The following CEP63 variants were observed in gnomAD, a reference collection of about 807,000 sequenced individuals.
The protein encoded by CEP63 is centrosomal protein 63.
In CEP63, 84 loss-of-function variants were observed where a neutral mutation model predicts 89.1. That is an observed-to-expected ratio of 0.94 (90% CI 0.79 to 1.13). CEP63 has a LOEUF of 1.13. Among genes scored for constraint, CEP63 ranks in the 50% most tolerant of loss-of-function variants. The pLI is 0.00. For missense variants in CEP63, 838 were observed against 813.3 expected (o/e 1.03, Z -0.37); for synonymous variants, 267 against 272.5 (o/e 0.98, Z 0.20).
At chr3:134,538,109 T>C (rs932067528) in intron 6 of CEP63, among the ~76,000 whole-genome samples, 7 of 151,704 alleles carry the variant, frequency 4.6e-5, no homozygotes, top group African/African-American at 1.7e-4. Flanking sequence ...CTCTGTTTAA[T>C]ATTATGATAA....
chr3:134,634,247 A>G, the CEP63 span, among the ~76,000 whole-genome samples: 2 of 152,220 alleles, frequency 1.3e-5, no homozygotes, highest in African/African-American at 4.8e-5. Flanking sequence ...TTGTGCAAAT[A>G]TATAATTATA....
At chr3:134,700,465 C>T in the CEP63 span, among the ~76,000 whole-genome samples, 1 of 152,230 alleles carries the variant, frequency 6.6e-6, no homozygotes, top group Non-Finnish European at 1.5e-5. Flanking sequence ...TATCCCACCC[C>T]TCCTCAGTCA....
chr3:134,754,520 G>A, the CEP63 span, among the ~76,000 whole-genome samples: 2 of 152,124 alleles, frequency 1.3e-5, no homozygotes, highest in African/African-American at 4.8e-5. Context: ...TGATGCTCAA[G>A]GCCTCAGGAT....
At chr3:134,497,903 G>A (rs1457102226) in intron 2 of CEP63, among the ~76,000 whole-genome samples, 1 of 152,022 alleles carries the variant, frequency 6.6e-6, no homozygotes, top group Non-Finnish European at 1.5e-5. Flanking sequence ...TTTCTGGGTT[G>A]TCTATTCTGT....
chr3:134,549,436 T>A (rs548723031), intron 10 of CEP63, among the ~76,000 whole-genome samples: 1 of 152,290 alleles, frequency 6.6e-6, no homozygotes, highest in South Asian at 2.1e-4. Flanking sequence ...TTTAAACATG[T>A]TTTGATGAAA....
chr3:134,537,110 T>A, intron 5 of CEP63, 45 bp from the exon 6 acceptor site: 1 of 1,169,254 alleles, frequency 8.6e-7, no homozygotes, highest in Non-Finnish European at 1.3e-6. Context: ...GTAGTGACAG[T>A]GAGGAGAAGC....
At chr3:134,726,576 A>G in the CEP63 span, among the ~76,000 whole-genome samples, 83,122 of 151,796 alleles carry the variant, frequency 0.55, 24,391 homozygotes, top group East Asian at 0.78. Flanking sequence ...TCCTTGCAGC[A>G]TAACACATCA....
chr3:134,660,925 G>A, the CEP63 span, among the ~76,000 whole-genome samples: 6 of 152,228 alleles, frequency 3.9e-5, no homozygotes, highest in South Asian at 1.0e-3. Context: ...TGGGCCCTGC[G>A]GCTCTAAGCA....
downstream of CEP63, among the ~76,000 whole-genome samples, chr3:134,575,270 CT>C (rs1342643624): frequency 1.2e-4 from 15 of 125,886 alleles, no homozygotes; most frequent in Non-Finnish European, 1.8e-4. Flanking sequence ...TTGCTTCCCT[CT>C]TTCCCCCTCC....
chr3:134,494,622 G>A (rs1939095119), intron 1 of CEP63, among the ~76,000 whole-genome samples: 1 of 152,120 alleles, frequency 6.6e-6, no homozygotes, highest in Non-Finnish European at 1.5e-5. Context: ...GAATAAAATT[G>A]GGTTTCTGCC....
chr3:134,576,217 G>A (rs1958209661), downstream of CEP63, among the ~76,000 whole-genome samples: 2 of 152,076 alleles, frequency 1.3e-5, no homozygotes, highest in African/African-American at 4.8e-5. Flanking sequence ...CTTCTTTTAT[G>A]CTTCCACTAA....
intron 2 of CEP63, among the ~76,000 whole-genome samples, chr3:134,498,389 T>C: frequency 6.6e-6 from 1 of 152,172 alleles, no homozygotes; most frequent in East Asian, 1.9e-4. Context: ...ACATTACTGA[T>C]TTTTGTATGT....
At chr3:134,683,552 G>A in the CEP63 span, among the ~76,000 whole-genome samples, 1 of 152,126 alleles carries the variant, frequency 6.6e-6, no homozygotes, top group Non-Finnish European at 1.5e-5. Context: ...AACTCCATCA[G>A]TTACTAGTGA....
downstream of CEP63, among the ~76,000 whole-genome samples, chr3:134,567,169 A>G (rs1284615237): frequency 6.7e-6 from 1 of 148,306 alleles, no homozygotes; most frequent in African/African-American, 2.5e-5. Flanking sequence ...AAAAAAAATC[A>G]CATATTGTAT....
chr3:134,609,267 T>C, the CEP63 span, among the ~76,000 whole-genome samples: 64 of 152,326 alleles, frequency 4.2e-4, no homozygotes, highest in African/African-American at 1.4e-3. Context: ...CGGGGACCTT[T>C]TGTGGCTCTC....
chr3:134,623,602 C>T, the CEP63 span, among the ~76,000 whole-genome samples: 1 of 151,290 alleles, frequency 6.6e-6, no homozygotes, highest in African/African-American at 2.4e-5. Flanking sequence ...CATGTCTAGC[C>T]TCCCCGTCTC....
chr3:134,734,932 C>T, the CEP63 span, among the ~76,000 whole-genome samples: 1 of 152,124 alleles, frequency 6.6e-6, no homozygotes, highest in Non-Finnish European at 1.5e-5. Context: ...TAATCATTTT[C>T]CCGTATAACA....
chr3:134,526,905 G>A (rs2108900349), intron 3 of CEP63, among the ~76,000 whole-genome samples: 1 of 125,300 alleles, frequency 8.0e-6, no homozygotes, highest in South Asian at 2.6e-4. Flanking sequence ...CCTAGACTGT[G>A]TGCTCTAACT....
the CEP63 span, among the ~76,000 whole-genome samples, chr3:134,716,534 G>A: frequency 2.0e-5 from 3 of 152,120 alleles, no homozygotes; most frequent in Non-Finnish European, 4.4e-5. Context: ...CATAGTTTGG[G>A]TTGTCTAGGG....
Sources: allele counts gnomAD v4.1 joint callset (sites outside exome capture counted in the v4.1 genomes callset), GRCh38; gene constraint gnomAD v4.1.1; transcripts MANE v1.5; gene names NCBI Gene and HGNC (gene_info 2026-07-23, HGNC 2026-07-21).